GARNL3: variants seen among roughly 807,000 people sequenced by gnomAD.
The protein encoded by GARNL3 is GTPase activating Rap/RanGAP domain like 3, also known as GTPase-activating Rap/Ran-GAP domain-like protein 3.
Under a neutral mutation model 125.0 loss-of-function variants are expected in GARNL3, and 63 were observed. The ratio of observed to expected loss-of-function variants is 0.50; its 90% confidence interval spans 0.41 to 0.62. The LOEUF (loss-of-function observed/expected upper bound fraction) is 0.62. GARNL3 is among the 20% of genes least tolerant of loss of function. The pLI is 0.00. For missense variants in GARNL3, 994 were observed against 1,244.0 expected (o/e 0.80, Z 3.02); for synonymous variants, 439 against 457.5 (o/e 0.96, Z 0.52).
rs774503778 is a variant in GARNL3, at chr9:127,388,907, A to T, written c.2531A>T (p.Glu844Val). The change falls in exon 26 of 28, where the codon GAA (glutamate) becomes GTA (valine). Residue 844 changes from glutamate (E) to valine (V), a missense_variant. Glu to Val is a moderately radical substitution (Grantham distance 121, BLOSUM62 -2). This residue lies in a region of GARNL3 where 728 missense variants were observed against 865.7 expected (regional missense o/e 0.84). Coordinates refer to ENST00000373387, the MANE Select transcript of GARNL3 (RefSeq NM_032293.5). ...TCTTTTTGAAATCACATTTCAGGTG[A>T]AATTCAATCAAAAAATCTGTACAAG... is the stretch of plus-strand genomic sequence containing the variant. Reference protein sequence around the residue: ...PVFPSSLGEGEIQSKNLYKIP... With the variant: ...PVFPSSLGEGVIQSKNLYKIP... 5.1e-6 allele frequency: 8 copies of T among 1,581,672 alleles called. No individual in the cohort carries two copies. In the East Asian group the frequency reaches 6.7e-5, roughly 13 times the overall value.
At chr9:127,231,019 C>CAT in intron 1 of GARNL3, among the ~76,000 whole-genome samples, 1 of 94,704 alleles carries the variant, frequency 1.1e-5, no homozygotes, top group East Asian at 2.8e-4. Flanking sequence ...TGTATATATA[C>CAT]ATATATGTAT....
chr9:127,317,445 C>G (rs1398912383), intron 4 of GARNL3, among the ~76,000 whole-genome samples: 1 of 152,160 alleles, frequency 6.6e-6, no homozygotes, highest in Non-Finnish European at 1.5e-5. Flanking sequence ...AAATTCCCAG[C>G]CGGGCGTGGT....
chr9:127,257,231 G>A (rs914081500), intron 2 of GARNL3, among the ~76,000 whole-genome samples: 8 of 152,164 alleles, frequency 5.3e-5, no homozygotes, highest in Admixed American at 3.3e-4. Flanking sequence ...AAGCTGTTTT[G>A]AACATTTTTG....
chr9:127,285,167 G>C (rs2064211363), intron 1 of GARNL3, among the ~76,000 whole-genome samples: 1 of 152,140 alleles, frequency 6.6e-6, no homozygotes, highest in South Asian at 2.1e-4. Context: ...GGCCAGACAT[G>C]GTGGCTCATG....
At chr9:127,331,916 G>T (rs10125787) in intron 7 of GARNL3, among the ~76,000 whole-genome samples, 56,049 of 151,464 alleles carry the variant, frequency 0.37, 11,729 homozygotes, top group African/African-American at 0.57. Flanking sequence ...GGATTTGGAC[G>T]GTTGCTCATG....
At chr9:127,248,591 C>CTTTTTTT (rs2063342795) in intron 2 of GARNL3, among the ~76,000 whole-genome samples, 1 of 79,434 alleles carries the variant, frequency 1.3e-5, no homozygotes, top group African/African-American at 6.2e-5. Context: ...CTGCTTTTTT[C>CTTTTTTT]TTTTCTTTTT....
chr9:127,374,494 A>G (rs767625647), intron 22 of GARNL3, among the ~76,000 whole-genome samples: 33 of 152,218 alleles, frequency 2.2e-4, no homozygotes, highest in Non-Finnish European at 3.8e-4. Flanking sequence ...ATAATCCATA[A>G]AAGAAAAAAT....
intron 5 of GARNL3, among the ~76,000 whole-genome samples, chr9:127,319,938 C>G (rs1213086806): frequency 6.6e-6 from 1 of 152,206 alleles, no homozygotes; most frequent in Non-Finnish European, 1.5e-5. Context: ...ACTACACATT[C>G]TACAGTTGCT....
At chr9:127,350,942 A>C (rs1473973677) in intron 17 of GARNL3, among the ~76,000 whole-genome samples, 1 of 152,148 alleles carries the variant, frequency 6.6e-6, no homozygotes, top group African/African-American at 2.4e-5. Flanking sequence ...AAGATCACAA[A>C]ACTGGTTAGT....
intron 2 of GARNL3, among the ~76,000 whole-genome samples, chr9:127,293,487 T>C (rs1421509504): frequency 6.6e-6 from 1 of 152,224 alleles, no homozygotes; most frequent in Non-Finnish European, 1.5e-5. Flanking sequence ...GTCTGTTTTT[T>C]TTCTTTCATT....
At chr9:127,270,479 C>T (rs1331686755) in intron 1 of GARNL3, among the ~76,000 whole-genome samples, 1 of 152,204 alleles carries the variant, frequency 6.6e-6, no homozygotes, top group East Asian at 1.9e-4. Context: ...GCTCAAATGT[C>T]TGGCCTTTAT....
chr9:127,391,533 A>AAAAAGAATATATATATATAT, intron 27 of GARNL3, among the ~76,000 whole-genome samples: 2 of 75,874 alleles, frequency 2.6e-5, no homozygotes, highest in African/African-American at 7.8e-5. Flanking sequence ...ACAAAAAAAA[A>AAAAAGAATATATATATATAT]ATATATATAT....
At chr9:127,368,184 A>G (rs1237161090) in intron 22 of GARNL3, among the ~76,000 whole-genome samples, 1 of 150,854 alleles carries the variant, frequency 6.6e-6, no homozygotes, top group Non-Finnish European at 1.5e-5. Context: ...GAAGAGGAGC[A>G]CTCTGGCTGC....
intron 1 of GARNL3, among the ~76,000 whole-genome samples, chr9:127,265,269 T>A (rs1427879422): frequency 2.0e-5 from 3 of 152,248 alleles, no homozygotes; most frequent in Non-Finnish European, 4.4e-5. Context: ...CTTGGTATTT[T>A]TCTCTGTGTA....
intron 21 of GARNL3, 165 bp from the exon 22 acceptor site, chr9:127,365,135 A>T: frequency 1.6e-6 from 1 of 620,822 alleles, no homozygotes; most frequent in East Asian, 2.7e-5. Flanking sequence ...TTGTATTATA[A>T]TCCCAGCCCC....
intron 1 of GARNL3, among the ~76,000 whole-genome samples, chr9:127,231,051 T>TATACATATATATATATATA (rs756942109): frequency 1.7e-5 from 1 of 58,084 alleles, no homozygotes; most frequent in Non-Finnish European, 2.8e-5. Flanking sequence ...TATATATATA[T>TATACATATATATATATATA]TTTTTTTTTT....
At chr9:127,371,815 A>G (rs1230875017) in intron 22 of GARNL3, among the ~76,000 whole-genome samples, 1 of 152,280 alleles carries the variant, frequency 6.6e-6, no homozygotes, top group African/African-American at 2.4e-5. Context: ...TAAAGAATCC[A>G]GAAATAGATT....
chr9:127,277,224 GT>G (rs1361725202), intron 1 of GARNL3, among the ~76,000 whole-genome samples: 2 of 152,006 alleles, frequency 1.3e-5, no homozygotes, highest in East Asian at 3.8e-4. Context: ...TTCCTTATGT[GT>G]TTCTTATTTA....
At chr9:127,356,831 G>A (rs1830714512) in intron 20 of GARNL3, among the ~76,000 whole-genome samples, 1 of 152,158 alleles carries the variant, frequency 6.6e-6, no homozygotes, top group South Asian at 2.1e-4. Flanking sequence ...TTATAAGTAG[G>A]ATTCAATGAG....
Sources: gnomAD v4.1 joint callset for allele counts (sites outside exome capture counted in the v4.1 genomes callset) on GRCh38, gnomAD v4.1.1 for gene constraint, gnomAD v4.1.1 regional missense constraint, MANE v1.5 for transcripts, NCBI Gene and HGNC (gene_info 2026-07-23, HGNC 2026-07-21) for gene names.